Variants in FSIP2 observed in about 807,000 individuals in gnomAD.
The protein encoded by FSIP2 is fibrous sheath-interacting protein 2.
In FSIP2, 367 loss-of-function variants were observed where a neutral mutation model predicts 510.5. The ratio of observed to expected loss-of-function variants is 0.72; its 90% CI spans 0.66 to 0.78. FSIP2 has a LOEUF of 0.78. FSIP2 is among the 30% of genes least tolerant of loss of function. FSIP2 has a pLI of 0.00. For synonymous variants in FSIP2, 2,601 were observed against 2,732.2 expected, an observed-to-expected ratio of 0.95 and a Z score of 1.50; for missense variants, 7,594 against 7,901.7, an observed-to-expected ratio of 0.96 and a Z score of 1.48.
chr2:185,769,041 ATTTAGGTTGATTCCATGTC>A (rs1338640994), intron 13 of FSIP2, among the ~76,000 whole-genome samples: 2 of 152,182 alleles, frequency 1.3e-5, no homozygotes, highest in Non-Finnish European at 2.9e-5. Flanking sequence ...ATTGGTGAAC[ATTTAGGTTGATTCCATGTC>A]TTTGCTATTG....
rs1227551171 is a variant in FSIP2, at chr2:185,785,542, TAAATC to T, written c.1470-708_1470-704del. On this transcript the variant is annotated intron_variant, in intron 14 of 22. Transcript: ENST00000424728. The stretch of plus-strand genomic sequence containing the variant: ...ACAAATCAGCAAAAATATACAAAAA[TAAATC>T]AGACTTCAGTTTTAGATTTTAATAT... Among the ~76,000 whole-genome samples, 4 of 151,664 alleles carry T rather than the reference TAAATC, an allele frequency of 2.6e-5. No homozygotes were observed. In the East Asian group the frequency reaches 5.8e-4, roughly 22 times the overall value.
At chr2:185,810,820 G>A (rs1693713334) in intron 17 of FSIP2, among the ~76,000 whole-genome samples, 1 of 151,966 alleles carries the variant, frequency 6.6e-6, no homozygotes, top group African/African-American at 2.4e-5. Context: ...TTGGTTAAAT[G>A]GTTGTGACTA....
In FSIP2 at chr2:185,794,722, A is replaced by C. The variant is rs2105622891; in HGVS notation, c.7586A>C (p.Asn2529Thr). 1 of 1,534,098 alleles carries C rather than the reference A, an allele frequency of 6.5e-7. No homozygotes were observed. The highest frequency in any genetic ancestry group is 2.5e-5 in the East Asian group (1 of 40,804). Residue 2529 changes from asparagine to threonine, a missense_variant, in exon 16 of 23, where the codon AAC becomes ACC. Asn to Thr is a moderately conservative substitution (Grantham distance 65, BLOSUM62 0). Transcript: ENST00000424728. Reference protein sequence around the residue: ...KIKTSDTTQKNSFQSHINSVA... With the variant: ...KIKTSDTTQKTSFQSHINSVA... ...AAAACATCAGACACAACACAGAAAA[A>C]CAGTTTTCAATCACATATTAACAGT...
In FSIP2 at chr2:185,767,540, T is replaced by C. The variant is rs539714874; in HGVS notation, c.1411+2975T>C. Among the ~76,000 whole-genome samples the C allele has an allele frequency of 1.4e-4, 21 of 152,222 alleles. No individual in the cohort carries two copies. In the East Asian group the frequency reaches 3.9e-3, roughly 28 times the overall value. On this transcript the variant is annotated intron_variant, in intron 13 of 22. Transcript: ENST00000424728. ...TAACACATATAAATCATGCCGTTTT[T>C]AGTCTTTCTGCATTTAGCTTATTAC...
At position 185,807,625 on chromosome 2, in the gene FSIP2, AC is replaced by A; in HGVS notation, c.18321del (p.Ser6108ValfsTer10). The A allele has an allele frequency of 6.2e-7, 1 of 1,613,038 alleles. No homozygotes were observed. Among genetic ancestry groups the A allele is most frequent in the Non-Finnish European group, 8.5e-7 (1 of 1,179,352 alleles). On this transcript the variant is annotated frameshift_variant, in exon 17 of 23. Coordinates refer to ENST00000424728, the MANE Select transcript of FSIP2 (RefSeq NM_173651.4). LOFTEE classifies it high-confidence loss of function. ...GSQEIIQNCVTSGCKILSENI... is the reference protein window; with the variant it reads ...GSQEIIQNCVXSGCKILSENI... ...ACAAGAGATTATACAAAATTGTGTA[AC>A]CAGTGGATGCAAAATCCTTTCAGAA...
Position 185,802,597 on chromosome 2 carries a change from T to C in FSIP2, c.13291T>C (p.Tyr4431His). Reference sequence around the variant, plus strand: ...TTCTGGGGATTTTTCAGCTTCTACCTATTCTAATTCAGTGGCTGAGAATAT... The same window carrying C: ...TTCTGGGGATTTTTCAGCTTCTACCCATTCTAATTCAGTGGCTGAGAATAT... Reference protein sequence around the residue: ...LFSGDFSASTYSNSVAENIVQ... With the variant: ...LFSGDFSASTHSNSVAENIVQ... Residue 4431 changes from tyrosine to histidine, a missense_variant, in exon 17 of 23, where the codon TAT (tyrosine) becomes CAT (histidine). Coordinates refer to ENST00000424728, the MANE Select transcript of FSIP2 (RefSeq NM_173651.4). 6.5e-7 allele frequency: 1 copy of C among 1,532,924 alleles called. No homozygotes were observed. The highest frequency in any genetic ancestry group is 8.7e-7 in the Non-Finnish European group (1 of 1,145,096). 95.0% of individuals were successfully genotyped at this position (1,532,924 alleles called of 1,614,324 possible).
intron 8 of FSIP2, among the ~76,000 whole-genome samples, chr2:185,755,826 C>A (rs1274472012): frequency 6.6e-6 from 1 of 151,518 alleles, no homozygotes; most frequent in Admixed American, 6.6e-5. Context: ...TTATGCCAGG[C>A]AGCAAGGCAT....
Position 185,807,846 on chromosome 2 carries a change from A to C in FSIP2, c.18540A>C (p.Glu6180Asp), listed in dbSNP as rs377665084. 6.2e-7 allele frequency: 1 copy of C among 1,611,302 alleles called. No individual in the cohort carries two copies. The highest frequency in any genetic ancestry group is 1.1e-5 in the South Asian group (1 of 90,498). ...HADKLSYNII[E>D]EIAVKFLSKL... ...ATAAGCTGTCTTATAACATAATAGAAGAAATTGCTGTGAAATTTTTATCAA... is the reference window on the plus strand; with the variant it reads ...ATAAGCTGTCTTATAACATAATAGACGAAATTGCTGTGAAATTTTTATCAA... The change falls in exon 17 of 23, where the codon GAA (glutamate) becomes GAC (aspartate). Residue 6180 changes from glutamate (E) to aspartate (D), a missense_variant. Coordinates refer to ENST00000424728, the MANE Select transcript of FSIP2 (RefSeq NM_173651.4).
At chr2:185,824,545 T>A (rs1255966970) in intron 20 of FSIP2, 65 bp downstream of exon 20, 1 of 949,908 alleles carries the variant, frequency 1.1e-6, no homozygotes, top group Non-Finnish European at 1.6e-6. Context: ...TTTTTTTAGT[T>A]ATCAAACTTG....
At chr2:185,746,382 C>A (rs1692034520) in intron 5 of FSIP2, among the ~76,000 whole-genome samples, 1 of 151,928 alleles carries the variant, frequency 6.6e-6, no homozygotes, top group South Asian at 2.1e-4. Flanking sequence ...TGAATGCTTA[C>A]TGTGCAAAAT....
In FSIP2 at chr2:185,815,458, AT is replaced by A; in HGVS notation, c.20416del (p.Ser6806HisfsTer18). ...SSSSYNQEDL[I>X]SSTGEAEDCH... is the part of the protein sequence containing the mutation. ...ATCTTCATACAACCAAGAAGATCTC[AT>A]TTCATCTACTGGGTATATGAAATTA... On this transcript the variant is annotated frameshift_variant, in exon 19 of 23. Coordinates refer to ENST00000424728, the MANE Select transcript of FSIP2 (RefSeq NM_173651.4). LOFTEE classifies it high-confidence loss of function. 1 of 1,386,508 alleles carries A rather than the reference AT, an allele frequency of 7.2e-7. No homozygotes were observed. The highest frequency in any genetic ancestry group is 1.0e-6 in the Non-Finnish European group (1 of 990,834). The allele number at this position is 1,386,508 out of a possible 1,614,324, so 85.9% of individuals were successfully genotyped here.
In FSIP2 at chr2:185,803,418, A is replaced by C; in HGVS notation, c.14112A>C (p.Lys4704Asn). 1 of 1,531,990 alleles carries C rather than the reference A, an allele frequency of 6.5e-7. No homozygotes were observed. Among genetic ancestry groups the C allele is most frequent in the Non-Finnish European group, 8.7e-7 (1 of 1,144,550 alleles). The allele number at this position is 1,531,990 out of a possible 1,614,324, so 94.9% of individuals were successfully genotyped here. A position where few individuals can be genotyped will look rare whatever the true frequency, so the allele number is the denominator to read the frequency against. ...CAATTGTTGACATGGTGTACAGCAA[A>C]GTTTTGCAAGAATATGAAATGGAAG... The part of the protein sequence containing the change: ...VKTIVDMVYS[K>N]VLQEYEMEVV... The change falls in exon 17 of 23, where the codon AAA (lysine) becomes AAC (asparagine). Residue 4704 changes from lysine (K) to asparagine (N), a missense_variant. Transcript: ENST00000424728.
rs1005070767 is a variant in FSIP2, at chr2:185,794,718, A to G, written c.7582A>G (p.Lys2528Glu). 3 of 1,534,186 alleles carry G rather than the reference A, an allele frequency of 2.0e-6. No individual in the cohort carries two copies. In the East Asian group the frequency reaches 7.4e-5, roughly 38 times the overall value. Residue 2528 changes from lysine (K) to glutamate (E), a missense_variant, in exon 16 of 23, where the codon AAA (lysine) becomes GAA (glutamate). By Grantham distance (56) the Lys-to-Glu change is moderately conservative (BLOSUM62 1). Coordinates refer to ENST00000424728, the MANE Select transcript of FSIP2 (RefSeq NM_173651.4). ...SKIKTSDTTQ[K>E]NSFQSHINSV... ...GATTAAAACATCAGACACAACACAG[A>G]AAAACAGTTTTCAATCACATATTAA...
Position 185,805,916 on chromosome 2 carries a change from CAA to C in FSIP2, c.16613_16614del (p.Lys5538SerfsTer10). ...ACTCAAAAACATAGTGAGAATGTAT[CAA>C]AAGTTACTTCAACTACCACTGTGAA... On this transcript the variant is annotated frameshift_variant, in exon 17 of 23. Coordinates refer to ENST00000424728, the MANE Select transcript of FSIP2 (RefSeq NM_173651.4). LOFTEE classifies it high-confidence loss of function. 1 of 1,597,378 alleles carries C rather than the reference CAA, an allele frequency of 6.3e-7. No homozygotes were observed. The highest frequency in any genetic ancestry group is 1.1e-5 in the South Asian group (1 of 87,082).
At chr2:185,785,021 G>C (rs1692935606) in intron 14 of FSIP2, among the ~76,000 whole-genome samples, 2 of 152,020 alleles carry the variant, frequency 1.3e-5, no homozygotes, top group East Asian at 1.9e-4. Context: ...CGTGCTGTTT[G>C]TATGCTTTTG....
At chr2:185,738,685 C>A (rs1485395762), upstream of FSIP2, 3 of 1,535,974 alleles carry the variant, frequency 2.0e-6, no homozygotes, top group African/African-American at 2.7e-5. Context: ...TTTCCCAGCT[C>A]TGCGGGCGCT....
In FSIP2 at chr2:185,804,720, A is replaced by G; in HGVS notation, c.15414A>G (p.Glu5138=). The change falls in exon 17 of 23, where the codon GAA becomes GAG. Residue 5138 remains glutamate, a synonymous_variant. Coordinates refer to ENST00000424728, the MANE Select transcript of FSIP2 (RefSeq NM_173651.4). ...HVFPSTHTEN[E]LKEKKFPPDD... is the part of the protein sequence containing the mutation. ...TCCCTTCAACTCACACTGAAAATGA[A>G]CTAAAAGAGAAAAAGTTTCCACCGG... The G allele has an allele frequency of 6.5e-7, 1 of 1,530,734 alleles. No homozygotes were observed. The highest frequency in any genetic ancestry group is 8.7e-7 in the Non-Finnish European group (1 of 1,144,446). 94.8% of individuals were successfully genotyped at this position (1,530,734 alleles called of 1,614,324 possible).
chr2:185,763,151 C>G, intron 11 of FSIP2, 32 bp from the exon 12 acceptor site: 1 of 931,132 alleles, frequency 1.1e-6, no homozygotes, highest in Non-Finnish European at 1.7e-6. Flanking sequence ...ATATCAGCTT[C>G]TCATATTTAA....
At chr2:185,785,254 C>T (rs1240204171) in intron 14 of FSIP2, among the ~76,000 whole-genome samples, 2 of 152,078 alleles carry the variant, frequency 1.3e-5, no homozygotes, top group Non-Finnish European at 2.9e-5. Flanking sequence ...ATGTCACTGA[C>T]ATCAGCTTTC....
Sources: gnomAD v4.1 joint callset for allele counts (sites outside exome capture counted in the v4.1 genomes callset) on GRCh38, gnomAD v4.1.1 for gene constraint, MANE v1.5 for transcripts, NCBI Gene and HGNC (gene_info 2026-07-23, HGNC 2026-07-21) for gene names.